The following CHD1L variants were observed in gnomAD, a reference collection of about 807,000 sequenced individuals.
CHD1L encodes the protein chromodomain helicase DNA binding protein 1 like.
Under a neutral mutation model 115.9 loss-of-function variants are expected in CHD1L, and 118 were observed. That is an observed-to-expected ratio of 1.02 (90% CI 0.88 to 1.19). The LOEUF (loss-of-function observed/expected upper bound fraction) is 1.19. Among genes scored for constraint, CHD1L ranks in the 50% most tolerant of loss-of-function variants. The pLI, the probability that CHD1L is intolerant of heterozygous loss-of-function variation, is 0.00. For synonymous variants in CHD1L, 411 were observed against 387.1 expected (o/e 1.06, Z -0.72); for missense variants, 1,179 against 1,065.3 (o/e 1.11, Z -1.49).
the CHD1L span, among the ~76,000 whole-genome samples, chr1:147,214,397 G>C: frequency 1.3e-5 from 2 of 151,380 alleles, no homozygotes; most frequent in African/African-American, 2.4e-5. Flanking sequence ...GTTGCAGTGA[G>C]CCGAGATCGT....
chr1:147,195,278 C>G, the CHD1L span, among the ~76,000 whole-genome samples: 2 of 152,020 alleles, frequency 1.3e-5, no homozygotes, highest in Admixed American at 1.3e-4. Flanking sequence ...TCACTGATAT[C>G]CTACCAAACC....
the CHD1L span, chr1:147,187,271 G>A: frequency 1.3e-6 from 2 of 1,522,204 alleles, no homozygotes; most frequent in Non-Finnish European, 1.8e-6. Context: ...CAGAAACCAT[G>A]GCCTGTCAAT....
chr1:147,290,640 G>C (rs1179037113), intron 19 of CHD1L, among the ~76,000 whole-genome samples: 1 of 151,924 alleles, frequency 6.6e-6, no homozygotes, highest in African/African-American at 2.4e-5. Flanking sequence ...GCCTTCCCTG[G>C]CTCTATTTGT....
chr1:147,225,659 TC>T, the CHD1L span: 2 of 152,962 alleles, frequency 1.3e-5, no homozygotes, highest in Non-Finnish European at 2.9e-5. Context: ...GACAAACACT[TC>T]CTAGTGAAGG....
At chr1:147,284,286 TG>T (rs1682152345) in intron 15 of CHD1L, 64 bp from the exon 16 acceptor site, 2 of 1,302,042 alleles carry the variant, frequency 1.5e-6, no homozygotes, top group Middle Eastern at 2.1e-4. Flanking sequence ...GTTATTGATT[TG>T]AATAGCATTA....
chr1:147,242,563 C>G (rs72997590), upstream of CHD1L: 29 of 890,740 alleles, frequency 3.3e-5, no homozygotes, highest in Non-Finnish European at 4.3e-5. Flanking sequence ...AGCTCCGCTC[C>G]GGATATCTTG....
intron 7 of CHD1L, among the ~76,000 whole-genome samples, chr1:147,264,800 A>G (rs1673256624): frequency 6.6e-6 from 1 of 152,226 alleles, no homozygotes; most frequent in Non-Finnish European, 1.5e-5. Flanking sequence ...TTGATTCTGC[A>G]GTAGGGCTTC....
chr1:147,281,398 T>C (rs1680788694), intron 15 of CHD1L, among the ~76,000 whole-genome samples: 1 of 152,110 alleles, frequency 6.6e-6, no homozygotes, highest in Non-Finnish European at 1.5e-5. Flanking sequence ...TCTCTTAACT[T>C]CCATAAGTTG....
At chr1:147,178,735 C>G in the CHD1L span, 1 of 1,587,222 alleles carries the variant, frequency 6.3e-7, no homozygotes, top group African/African-American at 1.3e-5. Context: ...CTTATTTCGT[C>G]CTTCACATCT....
chr1:147,223,848 C>A, the CHD1L span: 1 of 303,396 alleles, frequency 3.3e-6, no homozygotes, highest in Non-Finnish European at 6.3e-6. Flanking sequence ...CTTACGCGGG[C>A]CCACAAGCAC....
the CHD1L span, among the ~76,000 whole-genome samples, chr1:147,233,432 C>T: frequency 2.6e-5 from 1 of 37,812 alleles, no homozygotes; most frequent in Admixed American, 3.0e-4. Context: ...GGGGGGTCAG[C>T]CCCCCCGCCC....
chr1:147,291,691 A>G, intron 20 of CHD1L, 139 bp downstream of exon 20: 1 of 671,356 alleles, frequency 1.5e-6, no homozygotes, highest in Non-Finnish European at 2.7e-6. Context: ...CAGACTAGGT[A>G]GCTTAAACAA....
chr1:147,187,000 G>T, the CHD1L span: 65 of 1,614,026 alleles, frequency 4.0e-5, no homozygotes, highest in Non-Finnish European at 5.4e-5. Flanking sequence ...AACTACTCTT[G>T]TCATCAGAGG....
At chr1:147,209,031 T>A in the CHD1L span, 2 of 1,613,980 alleles carry the variant, frequency 1.2e-6, no homozygotes, top group Non-Finnish European at 1.7e-6. Context: ...TCCAAGCCCC[T>A]CTCCTGGTGC....
upstream of CHD1L, among the ~76,000 whole-genome samples, chr1:147,241,010 C>G (rs1361344833): frequency 2.0e-5 from 3 of 151,236 alleles, no homozygotes; most frequent in Non-Finnish European, 4.4e-5. Flanking sequence ...TTTCTTAAGT[C>G]TCTCATTCCA....
chr1:147,294,430 T>C lies in CHD1L; in HGVS notation c.2528T>C (p.Ile843Thr), dbSNP rs782595154. Residue 843 changes from isoleucine to threonine, a missense_variant, in exon 22 of 23, where the codon ATT becomes ACT. Coordinates refer to ENST00000369258, the MANE Select transcript of CHD1L (RefSeq NM_004284.6). ...ATAGCAAGTGTTCATCTTCCACGTA[T>C]TGGACATGCCACGAAAGGTTTTAAC... ...KKKASVHLPRIGHATKGFNWY... is the reference protein window; with the variant it reads ...KKKASVHLPRTGHATKGFNWY... 6.2e-7 allele frequency: 1 copy of C among 1,612,474 alleles called. No individual in the cohort carries two copies. Among genetic ancestry groups the C allele is most frequent in the South Asian group, 1.1e-5 (1 of 90,718 alleles).
the CHD1L span, chr1:147,178,313 A>G: frequency 1.2e-6 from 2 of 1,612,922 alleles, no homozygotes; most frequent in Non-Finnish European, 1.7e-6. Flanking sequence ...GCTCCTGAGT[A>G]TGAAGCTGCA....
chr1:147,261,632 A>C (rs1671980293), intron 6 of CHD1L, among the ~76,000 whole-genome samples: 1 of 152,130 alleles, frequency 6.6e-6, no homozygotes, highest in South Asian at 2.1e-4. Flanking sequence ...GGAGGAGAGA[A>C]GCAGGCATAG....
intron 12 of CHD1L, among the ~76,000 whole-genome samples, chr1:147,273,732 T>A (rs1553955170): frequency 1.3e-5 from 2 of 152,226 alleles, no homozygotes; most frequent in East Asian, 3.8e-4. Context: ...TTTCAGTTAA[T>A]CTCCTTGGAG....
Sources: allele counts gnomAD v4.1 joint callset (sites outside exome capture counted in the v4.1 genomes callset), GRCh38; gene constraint gnomAD v4.1.1; transcripts MANE v1.5; gene names NCBI Gene and HGNC (gene_info 2026-07-23, HGNC 2026-07-21).